DIAPH2: variants seen among roughly 807,000 people sequenced by gnomAD.
The protein encoded by DIAPH2 is protein diaphanous homolog 2.
Under a neutral mutation model 92.7 loss-of-function variants are expected in DIAPH2, and 35 were observed. That is an observed-to-expected ratio of 0.38 (90% CI 0.29 to 0.50). DIAPH2 has a LOEUF of 0.50. Among genes scored for constraint, DIAPH2 ranks in the 20% least tolerant of loss-of-function variants. DIAPH2 has a pLI of 0.94. For synonymous variants in DIAPH2, 301 were observed against 280.4 expected (o/e 1.07, Z -0.73); for missense variants, 701 against 819.5 (o/e 0.86, Z 1.77).
At chrX:96,766,468 GT>G (rs981912900) in intron 4 of DIAPH2, among the ~76,000 whole-genome samples, 65 of 107,513 alleles carry the variant, frequency 6.0e-4, no homozygotes, top group African/African-American at 2.2e-3. Flanking sequence ...TTTTTTGTTT[GT>G]TTTTTTTTCT....
chrX:97,309,987 AAAGAC>A (rs1280870000), intron 23 of DIAPH2, among the ~76,000 whole-genome samples: 1 of 112,130 alleles, frequency 8.9e-6, no homozygotes, highest in Non-Finnish European at 1.9e-5. Flanking sequence ...AAGGAAAAGA[AAAGAC>A]AAGTTTAGGC....
At chrX:97,132,283 G>A (rs1569309017) in intron 21 of DIAPH2, among the ~76,000 whole-genome samples, 1 of 111,280 alleles carries the variant, frequency 9.0e-6, no homozygotes, top group South Asian at 3.8e-4. Flanking sequence ...CTACATAAAG[G>A]ATGAAGACCT....
intron 5 of DIAPH2, among the ~76,000 whole-genome samples, chrX:96,906,135 A>G (rs1370649042): frequency 8.9e-6 from 1 of 112,257 alleles, no homozygotes; most frequent in Non-Finnish European, 1.9e-5. Flanking sequence ...TCAAAAAACA[A>G]AAAAAAGAGG....
intron 5 of DIAPH2, among the ~76,000 whole-genome samples, chrX:96,908,391 G>A (rs2065447195): frequency 2.7e-5 from 3 of 110,511 alleles, no homozygotes; most frequent in South Asian, 7.9e-4. Context: ...AGGTCCATGA[G>A]AAATGTCAGT....
At chrX:97,037,573 C>A (rs754546404) in intron 17 of DIAPH2, among the ~76,000 whole-genome samples, 8 of 111,950 alleles carry the variant, frequency 7.1e-5, no homozygotes, top group African/African-American at 2.6e-4. Context: ...AAGTAACCAT[C>A]ATTCTCTCTG....
intron 17 of DIAPH2, among the ~76,000 whole-genome samples, chrX:96,997,418 C>T (rs193278709): frequency 1.8e-5 from 2 of 111,298 alleles, no homozygotes; most frequent in East Asian, 2.8e-4. Context: ...ATGGTATGTA[C>T]AGCATCATTC....
intron 4 of DIAPH2, among the ~76,000 whole-genome samples, chrX:96,773,241 C>G (rs758748263): frequency 7.4e-4 from 63 of 84,777 alleles, no homozygotes; most frequent in African/African-American, 2.5e-3. Flanking sequence ...ATTGTTTCCC[C>G]CCCCCTCCCG....
At chrX:97,170,545 G>A (rs1209250285) in intron 22 of DIAPH2, among the ~76,000 whole-genome samples, 15 of 111,465 alleles carry the variant, frequency 1.3e-4, no homozygotes, top group Non-Finnish European at 3.8e-5. Context: ...ATAGTGTTGG[G>A]GCAAAGAACA....
intron 26 of DIAPH2, among the ~76,000 whole-genome samples, chrX:97,540,897 T>G (rs755338305): frequency 1.7e-4 from 19 of 111,996 alleles, no homozygotes; most frequent in Non-Finnish European, 2.8e-4. Flanking sequence ...GTTAAAATGT[T>G]ATATTTACAA....
chrX:96,851,285 TAGAG>T (rs1020476830), intron 4 of DIAPH2, among the ~76,000 whole-genome samples: 1 of 111,319 alleles, frequency 9.0e-6, no homozygotes, highest in Non-Finnish European at 1.9e-5. Context: ...GTATTTTTGG[TAGAG>T]ACGGGGTTGC....
At chrX:96,771,304 T>A (rs1171871806) in intron 4 of DIAPH2, among the ~76,000 whole-genome samples, 7 of 111,928 alleles carry the variant, frequency 6.3e-5, no homozygotes, top group African/African-American at 2.3e-4. Context: ...CATGTATGAT[T>A]TTGCATCACA....
intron 22 of DIAPH2, among the ~76,000 whole-genome samples, chrX:97,228,629 C>A (rs767642192): frequency 2.3e-4 from 26 of 111,251 alleles, no homozygotes; most frequent in Non-Finnish European, 4.1e-4. Context: ...ATAGTTTTTT[C>A]TATTTCTGAA....
Position 97,386,452 on chromosome X carries a change from G to A in DIAPH2, c.3145+2408G>A, listed in dbSNP as rs760985277. Reference sequence around the variant, plus strand: ...TGGGAGGCTAAGGTGGGTGGATCACGAGGTCAAGAGTTCGAGACCAACCTG... The same window carrying A: ...TGGGAGGCTAAGGTGGGTGGATCACAAGGTCAAGAGTTCGAGACCAACCTG... On this transcript the variant is annotated intron_variant, in intron 25 of 26. Transcript: ENST00000324765. Among the ~76,000 whole-genome samples, 3 of 111,685 alleles carry A rather than the reference G, an allele frequency of 2.7e-5. No homozygotes were observed. The South Asian group carries it at 1.1e-3, about 42-fold the overall frequency.
At chrX:96,703,436 G>A (rs777947514) in intron 1 of DIAPH2, among the ~76,000 whole-genome samples, 4 of 111,934 alleles carry the variant, frequency 3.6e-5, no homozygotes, top group Non-Finnish European at 7.5e-5. Context: ...AACATGTACT[G>A]TAAATAGTGT....
chrX:96,797,826 GTCTT>G (rs1233232156), intron 4 of DIAPH2, among the ~76,000 whole-genome samples: 1 of 112,657 alleles, frequency 8.9e-6, no homozygotes, highest in Non-Finnish European at 1.9e-5. Context: ...TAACATGTCT[GTCTT>G]TCTGACTGCT....
rs774480862 is a variant in DIAPH2 at position 97,125,591 on chromosome X, T to A, written c.2589+10626T>A. 6.4e-5 allele frequency among the ~76,000 whole-genome samples: 7 copies of A among 110,124 alleles called. No homozygotes were observed. The South Asian group carries it at 2.8e-3, about 43-fold the overall frequency. On this transcript the variant is annotated intron_variant, in intron 21 of 26. Transcript: ENST00000324765. Reference sequence around the variant, plus strand: ...AACCATATATATTTGTGTATAGAACTGTAATGAAGGGTATAATTTGTTTTC... The same window carrying A: ...AACCATATATATTTGTGTATAGAACAGTAATGAAGGGTATAATTTGTTTTC...
At chrX:97,168,186 G>A (rs1372333547) in intron 22 of DIAPH2, among the ~76,000 whole-genome samples, 1 of 107,880 alleles carries the variant, frequency 9.3e-6, no homozygotes, top group Non-Finnish European at 1.9e-5. Context: ...CTGGTTTCAA[G>A]CGATTCTCCT....
chrX:97,279,911 G>A (rs1415486381), intron 23 of DIAPH2, among the ~76,000 whole-genome samples: 2 of 111,741 alleles, frequency 1.8e-5, no homozygotes, highest in Non-Finnish European at 3.8e-5. Context: ...TGCAGTTAAA[G>A]TGGATTCCCG....
chrX:97,043,049 A>G (rs1249474157), intron 17 of DIAPH2, among the ~76,000 whole-genome samples: 1 of 111,613 alleles, frequency 9.0e-6, no homozygotes, highest in African/African-American at 3.2e-5. Context: ...AACCAAGTAG[A>G]CATTGTTTTT....
Sources: gnomAD v4.1 joint callset for allele counts (sites outside exome capture counted in the v4.1 genomes callset) on GRCh38, gnomAD v4.1.1 for gene constraint, MANE v1.5 for transcripts, NCBI Gene and HGNC (gene_info 2026-07-23, HGNC 2026-07-21) for gene names.